The following NAV2 variants were observed in gnomAD, a reference collection of about 807,000 sequenced individuals.
NAV2 encodes helicase, APC down-regulated 1.
NAV2 carries 54 observed loss-of-function variants against 223.2 expected under a neutral mutation model. The observed-to-expected ratio is 0.24, with a 90% CI of 0.19 to 0.30. The LOEUF (loss-of-function observed/expected upper bound fraction) is 0.30. Among genes scored for constraint, NAV2 ranks in the 10% least tolerant of loss-of-function variants. The pLI is 1.00. For synonymous variants in NAV2, 1,279 were observed against 1,239.3 expected, an observed-to-expected ratio of 1.03 and a Z score of -0.67; for missense variants, 2,806 against 3,147.5, an observed-to-expected ratio of 0.89 and a Z score of 2.60.
chr11:19,392,851 A>G (rs1331394809), intron 1 of NAV2, among the ~76,000 whole-genome samples: 1 of 152,206 alleles, frequency 6.6e-6, no homozygotes, highest in Non-Finnish European at 1.5e-5. Flanking sequence ...CAGTTACAAG[A>G]GCAGCCTTAG....
At chr11:19,763,211 T>G (rs1169372441) in intron 1 of NAV2, among the ~76,000 whole-genome samples, 1 of 152,224 alleles carries the variant, frequency 6.6e-6, no homozygotes, top group Non-Finnish European at 1.5e-5. Flanking sequence ...CACTTGAATA[T>G]GCTACTTGCT....
intron 1 of NAV2, among the ~76,000 whole-genome samples, chr11:19,404,313 G>A (rs973319203): frequency 1.3e-5 from 2 of 152,198 alleles, no homozygotes; most frequent in African/African-American, 2.4e-5. Flanking sequence ...GGGTCACTCA[G>A]ATGAGAGAGG....
chr11:19,346,081 G>A (rs1006145043), upstream of NAV2, among the ~76,000 whole-genome samples: 1 of 152,104 alleles, frequency 6.6e-6, no homozygotes, highest in East Asian at 1.9e-4. Context: ...GAGCGCGTGT[G>A]TTTTCTGTCT....
chr11:19,992,170 TA>T (rs1204315757), intron 11 of NAV2, among the ~76,000 whole-genome samples: 1 of 152,242 alleles, frequency 6.6e-6, no homozygotes, highest in African/African-American at 2.4e-5. Flanking sequence ...TTAAAGCTCA[TA>T]AAAGGAGCCT....
intron 11 of NAV2, among the ~76,000 whole-genome samples, chr11:19,989,330 CT>C (rs1453309451): frequency 6.6e-6 from 1 of 152,088 alleles, no homozygotes; most frequent in Admixed American, 6.6e-5. Flanking sequence ...CCATTGCCAG[CT>C]TTGAAGATGG....
At chr11:19,428,671 T>A (rs1396903558) in intron 1 of NAV2, among the ~76,000 whole-genome samples, 2 of 152,220 alleles carry the variant, frequency 1.3e-5, no homozygotes, top group African/African-American at 4.8e-5. Context: ...TTGCTCTCTT[T>A]GGGGAAGTAC....
In NAV2 at chr11:20,045,189, A is replaced by G; in HGVS notation, c.3421A>G (p.Thr1141Ala). The stretch of plus-strand genomic sequence containing the variant: ...GGCCATGATCACAGCCAGCGGGGTG[A>G]CTGTCACCAGCAGGTCAGCCACACT... ...GLAMITASGV[T>A]VTSRSATLGK... Residue 1141 changes from threonine to alanine, a missense_variant, in exon 14 of 38, where the codon ACT (threonine) becomes GCT (alanine). Physicochemically the swap from Thr to Ala is moderately conservative, Grantham distance 58. This residue lies in a region of NAV2 where 742 missense variants were observed against 777.9 expected (regional missense o/e 0.95). Coordinates refer to ENST00000349880, the MANE Select transcript of NAV2 (RefSeq NM_145117.5). 16 of 1,614,170 alleles carry G rather than the reference A, an allele frequency of 9.9e-6. No individual in the cohort carries two copies. Among genetic ancestry groups the G allele is most frequent in the Non-Finnish European group, 1.4e-5 (16 of 1,180,018 alleles).
chr11:19,692,989 G>A (rs1344285029), intron 1 of NAV2, among the ~76,000 whole-genome samples: 1 of 152,248 alleles, frequency 6.6e-6, no homozygotes, highest in Admixed American at 6.5e-5. Context: ...TTTGCTGCCT[G>A]CCCAGGCTCT....
intron 1 of NAV2, among the ~76,000 whole-genome samples, chr11:19,702,242 G>T (rs548516593): frequency 2.0e-5 from 3 of 152,306 alleles, no homozygotes; most frequent in African/African-American, 7.2e-5. Flanking sequence ...AATTTCTGGG[G>T]TAATGGTTTT....
At chr11:20,094,089 G>T (rs1217589398) in intron 29 of NAV2, among the ~76,000 whole-genome samples, 10 of 152,058 alleles carry the variant, frequency 6.6e-5, no homozygotes, top group Admixed American at 2.0e-4. Context: ...ACTATAGGGG[G>T]TAAGCTCAGC....
intron 11 of NAV2, among the ~76,000 whole-genome samples, chr11:20,029,861 A>G (rs2055530509): frequency 6.6e-6 from 1 of 152,250 alleles, no homozygotes; most frequent in Non-Finnish European, 1.5e-5. Flanking sequence ...TGACCAATGT[A>G]GGGCATTTCA....
At chr11:19,606,175 G>A (rs1316302684) in intron 1 of NAV2, among the ~76,000 whole-genome samples, 1 of 152,338 alleles carries the variant, frequency 6.6e-6, no homozygotes. Flanking sequence ...GGCAGCAAAA[G>A]CCAAACTCCT....
At chr11:20,059,029 C>A (rs979769947) in intron 19 of NAV2, among the ~76,000 whole-genome samples, 1 of 151,870 alleles carries the variant, frequency 6.6e-6, no homozygotes, top group Non-Finnish European at 1.5e-5. Flanking sequence ...TGATTCCAGT[C>A]CCTCTTTCTT....
At chr11:19,596,445 C>T (rs1033275872) in intron 1 of NAV2, among the ~76,000 whole-genome samples, 2 of 152,226 alleles carry the variant, frequency 1.3e-5, no homozygotes, top group African/African-American at 2.4e-5. Context: ...GTCCCCACAA[C>T]GTTGTCATTT....
chr11:19,880,012 C>G lies in NAV2; in HGVS notation c.655C>G (p.Gln219Glu), dbSNP rs1306579675. 1 of 1,613,720 alleles carries G rather than the reference C, an allele frequency of 6.2e-7. No homozygotes were observed. Among genetic ancestry groups the G allele is most frequent in the Non-Finnish European group, 8.5e-7 (1 of 1,179,874 alleles). ...ATCCCAGGTGGCCGGGGCCCCCTCC[C>G]AGTGCCAGGCTGGCACCCCTCAGCA... Reference protein sequence around the residue: ...AVSQVAGAPSQCQAGTPQQQV... With the variant: ...AVSQVAGAPSECQAGTPQQQV... Residue 219 changes from glutamine to glutamate, a missense_variant, in exon 5 of 38, where the codon CAG becomes GAG. Physicochemically the swap from Gln to Glu is conservative, Grantham distance 29. Coordinates refer to ENST00000349880, the MANE Select transcript of NAV2 (RefSeq NM_145117.5).
At chr11:19,616,216 A>C (rs979574349) in intron 1 of NAV2, among the ~76,000 whole-genome samples, 2 of 151,724 alleles carry the variant, frequency 1.3e-5, no homozygotes, top group South Asian at 2.1e-4. Flanking sequence ...AGTCCAGGGC[A>C]CACCATGCTG....
Position 19,933,510 on chromosome 11 carries a change from C to T in NAV2, c.1266C>T (p.Ser422=), listed in dbSNP as rs973833383. The change falls in exon 7 of 38, where the codon TCC becomes TCT. Residue 422 remains serine, a synonymous_variant. Coordinates refer to ENST00000349880, the MANE Select transcript of NAV2 (RefSeq NM_145117.5). This position sits in a 1 kb window ranked among gnomAD's most constrained non-coding sequence, Gnocchi z 4.3. ...GGSKAGEGPG[S]RDTSCERLET... is the part of the protein sequence containing the mutation. ...CAAAGGCAGGTGAGGGGCCGGGGTC[C>T]CGGGACACAAGCTGTGAGCGGCTGG... is the stretch of plus-strand genomic sequence containing the variant. 6.2e-7 allele frequency: 1 copy of T among 1,610,666 alleles called. No individual in the cohort carries two copies. Among genetic ancestry groups the T allele is most frequent in the Non-Finnish European group, 8.5e-7 (1 of 1,178,604 alleles).
chr11:19,371,401 AG>A (rs1222987018), intron 1 of NAV2, among the ~76,000 whole-genome samples: 1 of 152,146 alleles, frequency 6.6e-6, no homozygotes, highest in African/African-American at 2.4e-5. Flanking sequence ...CTCATTTTAC[AG>A]GTTAACTCTA....
At chr11:19,629,487 A>G (rs974847421) in intron 1 of NAV2, among the ~76,000 whole-genome samples, 1 of 151,838 alleles carries the variant, frequency 6.6e-6, no homozygotes, top group African/African-American at 2.4e-5. Flanking sequence ...GCGCACACAC[A>G]CACACGTACA....
Sources: gnomAD v4.1 joint callset for allele counts (sites outside exome capture counted in the v4.1 genomes callset) on GRCh38, gnomAD v4.1.1 for gene constraint, gnomAD v4.1.1 regional missense constraint, Gnocchi (gnomAD v3.1) non-coding constraint, MANE v1.5 for transcripts, NCBI Gene and HGNC (gene_info 2026-07-23, HGNC 2026-07-21) for gene names.